ELP2: variants seen among roughly 807,000 people sequenced by gnomAD.
ELP2 encodes the protein elongator acetyltransferase complex subunit 2, also known as elongator complex protein 2.
A neutral mutation model predicts 119.2 loss-of-function variants in ELP2; 90 were observed. The ratio of observed to expected loss-of-function variants is 0.75; its 90% CI spans 0.64 to 0.90. The LOEUF is 0.90. Ranked by LOEUF, ELP2 falls within the 40% of genes least tolerant of loss-of-function variation. ELP2 has a pLI of 0.00. For missense variants in ELP2, 921 were observed against 967.8 expected (o/e 0.95, Z 0.64); for synonymous variants, 339 against 331.0 (o/e 1.02, Z -0.26).
rs367806683 is a variant in ELP2, at chr18:36,174,738, G to GTTT, written c.*109_*111dup. 1.8e-4 allele frequency: 174 copies of GTTT among 961,548 alleles called. No individual in the cohort carries two copies. Among genetic ancestry groups the GTTT allele is most frequent in the South Asian group, 2.8e-4 (17 of 61,574 alleles). The allele number at this position is 961,548 out of a possible 1,614,324, so 59.6% of individuals were successfully genotyped here. On this transcript the variant is annotated 3_prime_UTR_variant, in exon 22 of 22. Transcript: ENST00000358232. ...CTTCATAACTGAATTGAGTTTCTGGGTTTTTTTTTTTTTTGAGATGGAGTC... is the reference window on the plus strand; with the variant it reads ...CTTCATAACTGAATTGAGTTTCTGGGTTTTTTTTTTTTTTTTTGAGATGGAGTC...
At position 36,171,074 on chromosome 18, in the gene ELP2, T is replaced by C. The variant is rs753714284; in HGVS notation, c.2238T>C (p.Cys746=). Reference sequence around the variant, plus strand: ...ACGTGGTTGCAGTAGGATTGGAGTGTGGAAAGATTTGCTTATATACCTGGA... The same window carrying C: ...ACGTGGTTGCAGTAGGATTGGAGTGCGGAAAGATTTGCTTATATACCTGGA... ...QRYVVAVGLE[C]GKICLYTWKK... The change falls in exon 21 of 22, where the codon TGT becomes TGC. Residue 746 remains cysteine, a synonymous_variant. Coordinates refer to ENST00000358232, the MANE Select transcript of ELP2 (RefSeq NM_018255.4). 3 of 1,613,902 alleles carry C rather than the reference T, an allele frequency of 1.9e-6. No homozygotes were observed.
intron 8 of ELP2, 111 bp downstream of exon 8, chr18:36,143,077 C>A: frequency 1.3e-6 from 1 of 763,642 alleles, no homozygotes; most frequent in Non-Finnish European, 2.1e-6. Context: ...TTGTCAGATT[C>A]CTACCTGAAA....
At chr18:36,139,809 G>A in intron 5 of ELP2, 1 of 383,758 alleles carries the variant, frequency 2.6e-6, no homozygotes, top group Non-Finnish European at 4.6e-6. Context: ...TAATTTTACA[G>A]TCACATCTTT....
At chr18:36,139,402 C>G (rs1317209802) in intron 5 of ELP2, 1 of 1,534,200 alleles carries the variant, frequency 6.5e-7, no homozygotes, top group Non-Finnish European at 8.7e-7. Context: ...AGTGAGTCAG[C>G]CTCTTTGCCT....
chr18:36,134,223 G>A (rs1281821480), intron 2 of ELP2, among the ~76,000 whole-genome samples: 5 of 151,892 alleles, frequency 3.3e-5, no homozygotes, highest in Non-Finnish European at 7.4e-5. Flanking sequence ...CTAGATCAAG[G>A]GTGTCTTAGA....
At chr18:36,162,441 T>G (rs769204484) in intron 17 of ELP2, among the ~76,000 whole-genome samples, 4 of 152,204 alleles carry the variant, frequency 2.6e-5, no homozygotes, top group Non-Finnish European at 5.9e-5. Context: ...TGTACAGATG[T>G]ACCACCATTT....
chr18:36,145,200 C>G, intron 9 of ELP2, 166 bp downstream of exon 9: 1 of 646,288 alleles, frequency 1.5e-6, no homozygotes, highest in Non-Finnish European at 2.8e-6. Flanking sequence ...GCTGGACACT[C>G]AGTTCCATTG....
chr18:36,130,129 T>G lies in ELP2; in HGVS notation c.138+58T>G, dbSNP rs1203605726. 4.3e-6 allele frequency: 7 copies of G among 1,610,160 alleles called. No individual in the cohort carries two copies. The East Asian group carries it at 6.7e-5, about 15-fold the overall frequency. On this transcript the variant is annotated intron_variant, in intron 1 of 21. Transcript: ENST00000358232. The stretch of plus-strand genomic sequence containing the variant: ...GCTTTTCGGGTTGAACCTGTGGACG[T>G]GCTCCGGGCGCGCTGTTAGTTGCCG...
chr18:36,141,097 A>G, intron 5 of ELP2, 40 bp from the exon 6 acceptor site: 1 of 1,519,898 alleles, frequency 6.6e-7, no homozygotes, highest in Non-Finnish European at 9.1e-7. Flanking sequence ...ACGTGGTGGA[A>G]TAGAGAACTC....
intron 12 of ELP2, 62 bp downstream of exon 12, chr18:36,155,061 G>A: frequency 2.1e-6 from 3 of 1,404,038 alleles, no homozygotes; most frequent in South Asian, 2.3e-5. Flanking sequence ...CACCCAGGCT[G>A]AAGTGCAATG....
At position 36,159,928 on chromosome 18, in the gene ELP2, A is replaced by G. The variant is rs200414896; in HGVS notation, c.1631-30A>G. 31 of 1,612,986 alleles carry G rather than the reference A, an allele frequency of 1.9e-5. No individual in the cohort carries two copies. In the East Asian group the frequency reaches 6.7e-4, roughly 35 times the overall value. ...TAAGTGCTATAGAATTCACTTTTAC[A>G]TAGAAAAAAATAGCTTCAATTTATT... On this transcript the variant is annotated intron_variant, in intron 15 of 21. Coordinates refer to ENST00000358232, the MANE Select transcript of ELP2 (RefSeq NM_018255.4).
In ELP2 at chr18:36,158,918, C is replaced by G. The variant is rs1228274280; in HGVS notation, c.1534+14C>G. 6.3e-7 allele frequency: 1 copy of G among 1,588,268 alleles called. No individual in the cohort carries two copies. Among genetic ancestry groups the G allele is most frequent in the East Asian group, 2.2e-5 (1 of 44,714 alleles). On this transcript the variant is annotated intron_variant, in intron 14 of 21. Transcript: ENST00000358232. Reference sequence around the variant, plus strand: ...CTGTCTTTCAGGGTAAGGCTTTTGTCTTCAAAATTATTAAACCCATAGTGG... The same window carrying G: ...CTGTCTTTCAGGGTAAGGCTTTTGTGTTCAAAATTATTAAACCCATAGTGG...
At chr18:36,142,791 T>C (rs887577220) in intron 7 of ELP2, 35 bp from the exon 8 acceptor site, 1 of 1,427,710 alleles carries the variant, frequency 7.0e-7, no homozygotes, top group Non-Finnish European at 9.7e-7. Flanking sequence ...CACAATATAA[T>C]GTTTTAAAAT....
rs763304316 is a variant in ELP2, at chr18:36,169,972, A to G, written c.2077-91A>G. On this transcript the variant is annotated intron_variant, in intron 19 of 21. Transcript: ENST00000358232. Reference sequence around the variant, plus strand: ...CATTTTTTAAAATACCAGAGCAAATACTTTGTTTTATCTTTGCCGATGAAA... The same window carrying G: ...CATTTTTTAAAATACCAGAGCAAATGCTTTGTTTTATCTTTGCCGATGAAA... The G allele has an allele frequency of 1.7e-5, 26 of 1,532,698 alleles. No homozygotes were observed. In the East Asian group the frequency reaches 5.4e-4, roughly 32 times the overall value. The allele number at this position is 1,532,698 out of a possible 1,614,324, so 94.9% of individuals were successfully genotyped here. A position where few individuals can be genotyped will look rare whatever the true frequency, so the allele number is the denominator to read the frequency against.
intron 11 of ELP2, among the ~76,000 whole-genome samples, chr18:36,153,583 G>A (rs1368226624): frequency 6.6e-6 from 1 of 152,094 alleles, no homozygotes; most frequent in Admixed American, 6.5e-5. Context: ...GAGGTTGAGG[G>A]CTCAGTCCCC....
At chr18:36,174,105 A>G (rs1238554665) in intron 21 of ELP2, among the ~76,000 whole-genome samples, 2 of 152,236 alleles carry the variant, frequency 1.3e-5, no homozygotes, top group Non-Finnish European at 2.9e-5. Context: ...TATATTGTAA[A>G]GTTAAAATTG....
intron 17 of ELP2, among the ~76,000 whole-genome samples, chr18:36,161,455 TAG>T (rs2144755181): frequency 6.6e-6 from 1 of 152,278 alleles, no homozygotes; most frequent in African/African-American, 2.4e-5. Flanking sequence ...ATTGGAGTCA[TAG>T]AGACACAGGG....
At chr18:36,157,855 T>C (rs1055847567) in intron 13 of ELP2, among the ~76,000 whole-genome samples, 6 of 152,136 alleles carry the variant, frequency 3.9e-5, no homozygotes, top group African/African-American at 2.4e-5. Flanking sequence ...GCTAAGCGTA[T>C]GGAGGTGGAG....
Position 36,142,952 on chromosome 18 carries a change from C to T in ELP2, c.782C>T (p.Thr261Ile), listed in dbSNP as rs774993486. 1 of 1,584,738 alleles carries T rather than the reference C, an allele frequency of 6.3e-7. No individual in the cohort carries two copies. Among genetic ancestry groups the T allele is most frequent in the Non-Finnish European group, 8.6e-7 (1 of 1,158,092 alleles). ...ATAAGACTGAAAGAAAATACTTTTA[C>T]CATAGAAAATGAAAGTGAGTAATAA... ...DNIRLKENTF[T>I]IENESVKIAF... The change falls in exon 8 of 22, where the codon ACC becomes ATC. Residue 261 changes from threonine (T) to isoleucine (I), a missense_variant. Thr to Ile is a moderately conservative substitution (Grantham distance 89). Coordinates refer to ENST00000358232, the MANE Select transcript of ELP2 (RefSeq NM_018255.4).
Sources: allele counts gnomAD v4.1 joint callset (sites outside exome capture counted in the v4.1 genomes callset), GRCh38; gene constraint gnomAD v4.1.1; transcripts MANE v1.5; gene names NCBI Gene and HGNC (gene_info 2026-07-23, HGNC 2026-07-21).